The following APOC3 variants were observed in gnomAD, a reference collection of about 807,000 sequenced individuals.
APOC3 encodes the protein apolipoprotein C3.
APOC3 carries 6 observed loss-of-function variants against 7.3 expected under a neutral mutation model. The observed-to-expected ratio is 0.82, with a 90% CI of 0.45 to 1.61. The LOEUF is 1.61. Among genes scored for constraint, APOC3 ranks in the 40% most tolerant of loss-of-function variants. The probability of loss-of-function intolerance (pLI) is 0.01; values close to 1 mark genes in which losing one functional copy is unlikely to be tolerated. For synonymous variants in APOC3, 45 were observed against 51.2 expected, an observed-to-expected ratio of 0.88 and a Z score of 0.52; for missense variants, 123 against 124.9, an observed-to-expected ratio of 0.98 and a Z score of 0.07.
At position 116,833,051 on chromosome 11, in the gene APOC3, G is replaced by A; in HGVS notation, c.*167G>A. On this transcript the variant is annotated 3_prime_UTR_variant, in exon 4 of 4. Transcript: ENST00000227667. ...CCAGGCATGCTGGCCTCCCAATAAA[G>A]CTGGACAAGAAGCTGCTATGAGTGG... 1.0e-6 allele frequency: 1 copy of A among 978,380 alleles called. No individual in the cohort carries two copies. The highest frequency in any genetic ancestry group is 1.6e-6 in the Non-Finnish European group (1 of 638,934). The allele number at this position is 978,380 out of a possible 1,614,324, so 60.6% of individuals were successfully genotyped here.
intron 1 of APOC3, 146 bp from the exon 2 acceptor site, chr11:116,830,424 T>C: frequency 1.2e-6 from 1 of 814,170 alleles, no homozygotes; most frequent in East Asian, 2.7e-5. Context: ...GTCCCCCTTC[T>C]GAGAGCCCGT....
rs755061758 is a variant in APOC3, at chr11:116,830,758, C to A, written c.56-15C>A. 4 of 1,613,476 alleles carry A rather than the reference C, an allele frequency of 2.5e-6. No homozygotes were observed. The highest frequency in any genetic ancestry group is 1.7e-5 in the Admixed American group (1 of 60,018). On this transcript the variant is annotated splice_polypyrimidine_tract_variant and intron_variant, in intron 2 of 3. Transcript: ENST00000227667. Reference sequence around the variant, plus strand: ...AGAGGCCGATCCACCCCACTCAGCCCTGCTCTTTCCTCAGGAGCTTCAGAG... The same window carrying A: ...AGAGGCCGATCCACCCCACTCAGCCATGCTCTTTCCTCAGGAGCTTCAGAG...
At chr11:116,831,255 TTC>T (rs1185863518) in intron 3 of APOC3, among the ~76,000 whole-genome samples, 9 of 81,360 alleles carry the variant, frequency 1.1e-4, no homozygotes, top group African/African-American at 5.6e-4. Context: ...CTTTCTTTCT[TTC>T]CTTTCTTTCT....
At chr11:116,831,275 CT>C (rs1565336566) in intron 3 of APOC3, among the ~76,000 whole-genome samples, 3 of 71,526 alleles carry the variant, frequency 4.2e-5, no homozygotes, top group East Asian at 6.2e-4. Flanking sequence ...TCTTTCCTTT[CT>C]TTCTTTCCTT....
At chr11:116,830,658 G>A (rs754115632) in intron 2 of APOC3, 21 bp downstream of exon 2, 3 of 1,613,784 alleles carry the variant, frequency 1.9e-6, no homozygotes, top group Non-Finnish European at 2.5e-6. Flanking sequence ...GGTGGGACTG[G>A]GCTGGGGGCA....
At chr11:116,830,201 T>TA (rs1371509763) in intron 1 of APOC3, among the ~76,000 whole-genome samples, 2 of 152,072 alleles carry the variant, frequency 1.3e-5, no homozygotes, top group Non-Finnish European at 2.9e-5. Flanking sequence ...TCTTCAGGCT[T>TA]AGGGCTGGAG....
intron 1 of APOC3, 86 bp from the exon 2 acceptor site, chr11:116,830,484 C>G (rs1387044724): frequency 1.4e-6 from 2 of 1,422,148 alleles, no homozygotes; most frequent in Non-Finnish European, 2.0e-6. Context: ...AGCTAAGGTT[C>G]TACCTTAGGG....
intron 3 of APOC3, chr11:116,831,220 TC>T: frequency 5.3e-6 from 1 of 187,236 alleles, no homozygotes; most frequent in Non-Finnish European, 9.3e-6. Flanking sequence ...TTTCTTTCTT[TC>T]TTTCTTTCTT....
At chr11:116,831,257 CCTTTCTTTCTTTCCTTTCTTTCTTTCCT>C (rs1941453415) in intron 3 of APOC3, among the ~76,000 whole-genome samples, 2 of 59,678 alleles carry the variant, frequency 3.4e-5, no homozygotes, top group African/African-American at 1.4e-4. Context: ...TTCTTTCTTT[CCTTTCTTTCTTTCCTTTCTTTCTTTCCT>C]TTCTTTCTTT....
Position 116,832,929 on chromosome 11 carries a change from C to A in APOC3, c.*45C>A. ...CACCTGCCTATCCATCCTGCGAGCT[C>A]CTTGGGTCCTGCAATCTCCAGGGCT... On this transcript the variant is annotated 3_prime_UTR_variant, in exon 4 of 4. Transcript: ENST00000227667. The A allele has an allele frequency of 6.2e-7, 1 of 1,612,780 alleles. No individual in the cohort carries two copies. Among genetic ancestry groups the A allele is most frequent in the Non-Finnish European group, 8.5e-7 (1 of 1,179,904 alleles).
In APOC3 at chr11:116,830,115, G is replaced by A. The variant is rs142433547; in HGVS notation, c.-14+175G>A. Among the ~76,000 whole-genome samples the A allele has an allele frequency of 3.8e-3, 575 of 152,230 alleles. 2 individuals are homozygous for A. The highest frequency in any genetic ancestry group is 0.013 in the African/African-American group (538 of 41,526). Reference sequence around the variant, plus strand: ...CATAACCTGAAGAACATGGAGGCCCGGGAGGGGTGTCACTTGCCCAAAGCT... The same window carrying A: ...CATAACCTGAAGAACATGGAGGCCCAGGAGGGGTGTCACTTGCCCAAAGCT... On this transcript the variant is annotated intron_variant, in intron 1 of 3. Transcript: ENST00000227667.
At chr11:116,830,930 G>A (rs1264681950) in intron 3 of APOC3, 34 bp downstream of exon 3, 1 of 1,602,510 alleles carries the variant, frequency 6.2e-7, no homozygotes, top group Non-Finnish European at 8.5e-7. Flanking sequence ...CATCCCCCCT[G>A]CCAGCTGCCT....
Position 116,831,090 on chromosome 11 carries a change from T to C in APOC3, c.179+194T>C, listed in dbSNP as rs964584888. On this transcript the variant is annotated intron_variant, in intron 3 of 3. Coordinates refer to ENST00000227667, the MANE Select transcript of APOC3 (RefSeq NM_000040.3). ...GAGAGATGACAGAGTTGAGACTGCA[T>C]TCCTCCCAGGTCCCTCCTTTCTCCC... The C allele has an allele frequency of 4.2e-4, 290 of 697,442 alleles. 2 individuals are homozygous for C. The highest frequency in any genetic ancestry group is 8.2e-5 in the Non-Finnish European group (34 of 415,376). 43.2% of individuals were successfully genotyped at this position (697,442 alleles called of 1,614,324 possible). A position where few individuals can be genotyped will look rare whatever the true frequency, so the allele number is the denominator to read the frequency against.
intron 3 of APOC3, among the ~76,000 whole-genome samples, chr11:116,832,466 C>T (rs767860422): frequency 6.6e-6 from 1 of 152,240 alleles, no homozygotes; most frequent in African/African-American, 2.4e-5. Context: ...ACAGCCTTGA[C>T]CTTTCACATC....
Position 116,833,032 on chromosome 11 carries a change from A to G in APOC3, c.*148A>G. The G allele has an allele frequency of 8.9e-7, 1 of 1,127,382 alleles. No individual in the cohort carries two copies. Among genetic ancestry groups the G allele is most frequent in the East Asian group, 2.5e-5 (1 of 39,810 alleles). The allele number at this position is 1,127,382 out of a possible 1,614,324, so 69.8% of individuals were successfully genotyped here. ...CCTCATGCCTGGCCCCCCTCCAGGCATGCTGGCCTCCCAATAAAGCTGGAC... is the reference window on the plus strand; with the variant it reads ...CCTCATGCCTGGCCCCCCTCCAGGCGTGCTGGCCTCCCAATAAAGCTGGAC... On this transcript the variant is annotated 3_prime_UTR_variant, in exon 4 of 4. Transcript: ENST00000227667.
chr11:116,831,940 C>A (rs1941467223), intron 3 of APOC3, among the ~76,000 whole-genome samples: 1 of 152,336 alleles, frequency 6.6e-6, no homozygotes, highest in South Asian at 2.1e-4. Flanking sequence ...TGCTCACTCA[C>A]CCACCACTCA....
At chr11:116,831,046 C>G in intron 3 of APOC3, 150 bp downstream of exon 3, 1 of 905,496 alleles carries the variant, frequency 1.1e-6, no homozygotes, top group Non-Finnish European at 1.7e-6. Flanking sequence ...CTCACAGGGC[C>G]TTTGTCAGGC....
At chr11:116,831,421 G>GT (rs1262818337) in intron 3 of APOC3, among the ~76,000 whole-genome samples, 4 of 147,336 alleles carry the variant, frequency 2.7e-5, no homozygotes, top group African/African-American at 1.0e-4. Context: ...CTGGAGTGCA[G>GT]TGGTGCCATC....
At chr11:116,831,436 C>T (rs1254816582) in intron 3 of APOC3, among the ~76,000 whole-genome samples, 1 of 150,984 alleles carries the variant, frequency 6.6e-6, no homozygotes, top group Non-Finnish European at 1.5e-5. Flanking sequence ...GCCATCTCGG[C>T]TCACTGCAAC....
Sources: allele counts gnomAD v4.1 joint callset (sites outside exome capture counted in the v4.1 genomes callset), GRCh38; gene constraint gnomAD v4.1.1; transcripts MANE v1.5; gene names NCBI Gene and HGNC (gene_info 2026-07-23, HGNC 2026-07-21).